Variants in CRB2 observed in about 807,000 individuals in gnomAD.
The protein encoded by CRB2 is protein crumbs homolog 2.
A neutral mutation model predicts 110.9 loss-of-function variants in CRB2; 85 were observed. The observed-to-expected ratio is 0.77, with a 90% CI of 0.64 to 0.92. The LOEUF (loss-of-function observed/expected upper bound fraction) is 0.92. CRB2 is among the 40% of genes least tolerant of loss of function. CRB2 has a pLI of 0.00. For missense variants in CRB2, 1,843 were observed against 1,851.3 expected (o/e 1.00, Z 0.08); for synonymous variants, 907 against 831.0 (o/e 1.09, Z -1.57).
chr9:123,367,496 T>C, intron 5 of CRB2, 77 bp from the exon 6 acceptor site: 1 of 1,224,120 alleles, frequency 8.2e-7, no homozygotes, highest in Non-Finnish European at 1.1e-6. Context: ...TCAGTCTCTC[T>C]AGCTATAGAA....
At position 123,373,753 on chromosome 9, in the gene CRB2, C is replaced by T; in HGVS notation, c.3222C>T (p.Leu1074=). Reference sequence around the variant, plus strand: ...TGCACGACGGTGCCTGCCGTGACCTCTTCGACGCCTTTGCCTGCGCCTGCG... The same window carrying T: ...TGCACGACGGTGCCTGCCGTGACCTTTTCGACGCCTTTGCCTGCGCCTGCG... ...PCLHDGACRD[L]FDAFACACGP... Residue 1074 remains leucine, a synonymous_variant, in exon 10 of 13, where the codon CTC becomes CTT. Transcript: ENST00000373631. The T allele has an allele frequency of 6.3e-7, 1 of 1,589,946 alleles. No homozygotes were observed. Among genetic ancestry groups the T allele is most frequent in the African/African-American group, 1.4e-5 (1 of 73,534 alleles).
At chr9:123,374,478 C>G (rs2042072802) in intron 10 of CRB2, 101 bp from the exon 11 acceptor site, 1 of 790,580 alleles carries the variant, frequency 1.3e-6, no homozygotes, top group Admixed American at 2.0e-5. Context: ...GCCCTGAGTT[C>G]CATACATGAG....
chr9:123,372,881 C>G (rs2042036385), intron 9 of CRB2, among the ~76,000 whole-genome samples: 2 of 152,236 alleles, frequency 1.3e-5, no homozygotes. Context: ...GGCTTGTGAC[C>G]TGGAGGGTCG....
In CRB2 at chr9:123,370,211, G is replaced by T; in HGVS notation, c.1158G>T (p.Glu386Asp). 1 of 1,613,186 alleles carries T rather than the reference G, an allele frequency of 6.2e-7. No individual in the cohort carries two copies. The highest frequency in any genetic ancestry group is 8.5e-7 in the Non-Finnish European group (1 of 1,179,992). The stretch of plus-strand genomic sequence containing the variant: ...CAGGCTATATCTGCAGGTGCCCAGA[G>T]ACCTGGGGTGGGCGCGACTGTTCTG... ...TVAGYICRCP[E>D]TWGGRDCSVQ... The change falls in exon 7 of 13, where the codon GAG (glutamate) becomes GAT (aspartate). Residue 386 changes from glutamate to aspartate, a missense_variant. Transcript: ENST00000373631.
Position 123,373,221 on chromosome 9 carries a change from C to T in CRB2, c.2690C>T (p.Ser897Leu), listed in dbSNP as rs1279080183. 63 of 1,508,946 alleles carry T rather than the reference C, an allele frequency of 4.2e-5. No homozygotes were observed. Among genetic ancestry groups the T allele is most frequent in the Non-Finnish European group, 5.4e-5 (61 of 1,135,984 alleles). 93.5% of individuals were successfully genotyped at this position (1,508,946 alleles called of 1,614,324 possible). ...TCAGGGCGCTTGCTCGGCGGCCTGT[C>T]GCTGGCCTTTCGCACGCGCGACTCC... ...ASSGRLLGGL[S>L]LAFRTRDSEA... is the part of the protein sequence containing the mutation. Residue 897 changes from serine to leucine, a missense_variant, in exon 10 of 13, where the codon TCG becomes TTG. Physicochemically the swap from Ser to Leu is moderately radical, Grantham distance 145. Coordinates refer to ENST00000373631, the MANE Select transcript of CRB2 (RefSeq NM_173689.7).
At chr9:123,378,834 A>AGAT (rs1458964349), downstream of CRB2, 2 of 10,456 alleles carry the variant, frequency 1.9e-4, no homozygotes, top group Non-Finnish European at 3.8e-4. Context: ...TTTTTTTTTG[A>AGAT]GATGGAGTCT....
chr9:123,359,447 T>TG (rs1300982457), intron 1 of CRB2, among the ~76,000 whole-genome samples: 8 of 122,860 alleles, frequency 6.5e-5, no homozygotes, highest in Non-Finnish European at 4.7e-5. Flanking sequence ...TTTTGTTTTT[T>TG]TTTTTTTTTT....
chr9:123,375,319 C>T lies in CRB2; in HGVS notation c.3609C>T (p.Phe1203=). 1.2e-6 allele frequency: 2 copies of T among 1,605,414 alleles called. No homozygotes were observed. Among genetic ancestry groups the T allele is most frequent in the Non-Finnish European group, 1.7e-6 (2 of 1,175,392 alleles). Residue 1203 remains phenylalanine, a synonymous_variant, in exon 12 of 13, where the codon TTC becomes TTT. Transcript: ENST00000373631. ...GVSECICNAR[F]SGQFCEVAKG... ...CTGAATGTATCTGCAATGCCAGATT[C>T]TCCGGCCAGTTCTGTGAAGTGGCGG...
In CRB2 at chr9:123,370,231, G is replaced by T. The variant is rs1465847705; in HGVS notation, c.1178G>T (p.Cys393Phe). 1 of 1,613,272 alleles carries T rather than the reference G, an allele frequency of 6.2e-7. No individual in the cohort carries two copies. The highest frequency in any genetic ancestry group is 1.7e-5 in the Admixed American group (1 of 60,016). Reference sequence around the variant, plus strand: ...CCAGAGACCTGGGGTGGGCGCGACTGTTCTGTGCAGCTCACTGGCTGCCAG... The same window carrying T: ...CCAGAGACCTGGGGTGGGCGCGACTTTTCTGTGCAGCTCACTGGCTGCCAG... ...RCPETWGGRD[C>F]SVQLTGCQGH... is the part of the protein sequence containing the mutation. Residue 393 changes from cysteine to phenylalanine, a missense_variant, in exon 7 of 13, where the codon TGT (cysteine) becomes TTT (phenylalanine). Coordinates refer to ENST00000373631, the MANE Select transcript of CRB2 (RefSeq NM_173689.7).
Position 123,375,343 on chromosome 9 carries a change from G to T in CRB2, c.3633G>T (p.Ala1211=). Reference sequence around the variant, plus strand: ...TCTCCGGCCAGTTCTGTGAAGTGGCGGTGAGTGTTGTCAGGGGTGAGGGGC... The same window carrying T: ...TCTCCGGCCAGTTCTGTGAAGTGGCTGTGAGTGTTGTCAGGGGTGAGGGGC... ...ARFSGQFCEV[A]KGLPLPLPFP... The change falls in exon 12 of 13, where the codon GCG becomes GCT. Residue 1211 remains alanine (A), a splice_region_variant and synonymous_variant. Transcript: ENST00000373631. The T allele has an allele frequency of 6.3e-7, 1 of 1,585,628 alleles. No homozygotes were observed.
intron 3 of CRB2, 34 bp from the exon 4 acceptor site, chr9:123,366,191 GGC>G: frequency 7.2e-7 from 1 of 1,389,226 alleles, no homozygotes; most frequent in Non-Finnish European, 9.2e-7. Context: ...AGAAGGGGCA[GGC>G]GCGCGCTCAG....
intron 1 of CRB2, among the ~76,000 whole-genome samples, chr9:123,359,253 C>T (rs2041832936): frequency 6.6e-6 from 1 of 151,910 alleles, no homozygotes; most frequent in South Asian, 2.1e-4. Context: ...TCAGCCCTAC[C>T]CTTGTAGGGT....
At position 123,372,361 on chromosome 9, in the gene CRB2, C is replaced by A. The variant is rs1012861174; in HGVS notation, c.2602+19C>A. The A allele has an allele frequency of 1.3e-6, 2 of 1,571,508 alleles. No individual in the cohort carries two copies. Among genetic ancestry groups the A allele is most frequent in the South Asian group, 1.2e-5 (1 of 82,556 alleles). On this transcript the variant is annotated intron_variant, in intron 9 of 12. Coordinates refer to ENST00000373631, the MANE Select transcript of CRB2 (RefSeq NM_173689.7). ...TTTGTGTGTGAGTGTGTGTCCTGGG[C>A]AGCTCCCGTGCTGGGTGCTGGACAC...
downstream of CRB2, among the ~76,000 whole-genome samples, chr9:123,379,169 T>C (rs1270157927): frequency 6.6e-6 from 1 of 151,820 alleles, no homozygotes; most frequent in African/African-American, 2.4e-5. Flanking sequence ...GGTCAGATGA[T>C]GGGCGAGTCG....
Position 123,362,938 on chromosome 9 carries a change from C to G in CRB2, c.168C>G (p.Thr56=). The change falls in exon 2 of 13, where the codon ACC becomes ACG. Residue 56 remains threonine, a synonymous_variant. Transcript: ENST00000373631. ...CTCCAGGGACCGAGTGCCAGGCTAC[C>G]GAGAGTGGTGGCTATACCTGTGGGC... ...PCAPGTECQA[T]ESGGYTCGPM... The G allele has an allele frequency of 1.9e-6, 3 of 1,605,620 alleles. No homozygotes were observed. Among genetic ancestry groups the G allele is most frequent in the Non-Finnish European group, 2.6e-6 (3 of 1,173,648 alleles).
chr9:123,371,202 A>C lies in CRB2; in HGVS notation c.2060A>C (p.Gln687Pro). 1 of 1,613,904 alleles carries C rather than the reference A, an allele frequency of 6.2e-7. No individual in the cohort carries two copies. Among genetic ancestry groups the C allele is most frequent in the Non-Finnish European group, 8.5e-7 (1 of 1,180,030 alleles). Residue 687 changes from glutamine to proline, a missense_variant, in exon 8 of 13, where the codon CAG becomes CCG. By Grantham distance (76) the Gln-to-Pro change is moderately conservative. Transcript: ENST00000373631. ...CGGGAGTCCGCTGGCCTGTTGCTCC[A>C]GTTTGCCAATGACTCCGCAGCTGGC... ...RTRESAGLLL[Q>P]FANDSAAGLT...
At chr9:123,367,033 C>T in intron 4 of CRB2, 139 bp from the exon 5 acceptor site, 9 of 801,380 alleles carry the variant, frequency 1.1e-5, no homozygotes, top group South Asian at 3.8e-5. Flanking sequence ...TTCCTGCGGC[C>T]CTTAGTGTGT....
At chr9:123,372,147 G>A (rs751693519) in intron 8 of CRB2, 30 bp from the exon 9 acceptor site, 3 of 1,612,686 alleles carry the variant, frequency 1.9e-6, no homozygotes, top group African/African-American at 2.7e-5. Context: ...CTGCAGTCCT[G>A]AGCCAACCCC....
chr9:123,361,577 G>T (rs561954708), intron 1 of CRB2, among the ~76,000 whole-genome samples: 4 of 151,422 alleles, frequency 2.6e-5, no homozygotes, highest in African/African-American at 7.3e-5. Flanking sequence ...GACAACCTGG[G>T]TGGGGGAGGG....
Sources: allele counts gnomAD v4.1 joint callset (sites outside exome capture counted in the v4.1 genomes callset), GRCh38; gene constraint gnomAD v4.1.1; transcripts MANE v1.5; gene names NCBI Gene and HGNC (gene_info 2026-07-23, HGNC 2026-07-21).